Variants in PARN observed in about 807,000 individuals in gnomAD.
PARN encodes poly(A)-specific ribonuclease.
A neutral mutation model predicts 102.8 loss-of-function variants in PARN; 71 were observed. The observed-to-expected ratio is 0.69, with a 90% CI of 0.57 to 0.84. The LOEUF (loss-of-function observed/expected upper bound fraction) is 0.84. PARN is among the 40% of genes least tolerant of loss of function. The pLI is 0.00. For missense variants in PARN, 782 were observed against 760.9 expected, an observed-to-expected ratio of 1.03 and a Z score of -0.33; for synonymous variants, 261 against 252.9, an observed-to-expected ratio of 1.03 and a Z score of -0.30.
At chr16:14,460,575 T>A (rs886384759) in intron 22 of PARN, among the ~76,000 whole-genome samples, 1 of 152,240 alleles carries the variant, frequency 6.6e-6, no homozygotes, top group African/African-American at 2.4e-5. Context: ...TGGATTTTTC[T>A]GTGACCTTTA....
chr16:14,555,545 C>A (rs560497477), intron 19 of PARN, 109 bp downstream of exon 19: 3 of 510,822 alleles, frequency 5.9e-6, no homozygotes, highest in African/African-American at 4.0e-5. Flanking sequence ...AAAATCACAG[C>A]CCAATTTTGA....
At chr16:14,570,101 C>A (rs1417733483) in intron 18 of PARN, among the ~76,000 whole-genome samples, 1 of 151,630 alleles carries the variant, frequency 6.6e-6, no homozygotes, top group Non-Finnish European at 1.5e-5. Flanking sequence ...AGCACTTTGA[C>A]AGGCCAAGGC....
chr16:14,610,082 G>A (rs74397253), intron 7 of PARN, among the ~76,000 whole-genome samples: 1,536 of 152,186 alleles, frequency 0.01, 28 homozygotes, highest in African/African-American at 0.035. Flanking sequence ...AATCCACGCA[G>A]GTCTGACCAC....
At chr16:14,612,547 G>A (rs930532589) in intron 6 of PARN, among the ~76,000 whole-genome samples, 1 of 152,138 alleles carries the variant, frequency 6.6e-6, no homozygotes, top group Non-Finnish European at 1.5e-5. Context: ...AATAGGTATC[G>A]GGGTCCAAGG....
At chr16:14,486,583 A>G (rs1963712916) in intron 21 of PARN, among the ~76,000 whole-genome samples, 1 of 152,216 alleles carries the variant, frequency 6.6e-6, no homozygotes, top group African/African-American at 2.4e-5. Context: ...GATTTATCTG[A>G]GCACATTTGG....
chr16:14,520,667 C>G (rs1410191237), intron 21 of PARN, among the ~76,000 whole-genome samples: 1 of 151,588 alleles, frequency 6.6e-6, no homozygotes, highest in Non-Finnish European at 1.5e-5. Context: ...CCACTGCACT[C>G]CAGACTGGGT....
At chr16:14,610,119 T>G (rs1415593688) in intron 7 of PARN, among the ~76,000 whole-genome samples, 1 of 152,202 alleles carries the variant, frequency 6.6e-6, no homozygotes, top group Non-Finnish European at 1.5e-5. Context: ...CCTAGTGACA[T>G]GTAGCAAGTC....
At chr16:14,455,863 G>A (rs1418906082) in intron 22 of PARN, among the ~76,000 whole-genome samples, 1 of 152,196 alleles carries the variant, frequency 6.6e-6, no homozygotes, top group African/African-American at 2.4e-5. Context: ...CGCTGACTGT[G>A]CTCTTGCCTT....
Position 14,604,195 on chromosome 16 carries a change from T to C in PARN, c.734A>G (p.Asp245Gly), listed in dbSNP as rs1195772798. Residue 245 changes from aspartate to glycine, a missense_variant, in exon 11 of 24, where the codon GAT (aspartate) becomes GGT (glycine). Physicochemically the swap from Asp to Gly is moderately conservative, Grantham distance 94. Transcript: ENST00000437198. The stretch of plus-strand genomic sequence containing the variant: ...CTCTCTTCTTTTGCGTTCTTCTTCA[T>C]CTACTTTGCTGATAACTATATATCG... Reference protein sequence around the residue: ...KERYIVISKVDEEERKRREQQ... With the variant: ...KERYIVISKVGEEERKRREQQ... The C allele has an allele frequency of 2.5e-6, 4 of 1,598,842 alleles. No homozygotes were observed. Among genetic ancestry groups the C allele is most frequent in the East Asian group, 4.5e-5 (2 of 44,740 alleles).
chr16:14,624,764 T>A (rs1346112061), intron 5 of PARN, among the ~76,000 whole-genome samples: 1 of 151,640 alleles, frequency 6.6e-6, no homozygotes, highest in Non-Finnish European at 1.5e-5. Flanking sequence ...ACTAAAAATA[T>A]AAAATTAGCC....
Position 14,593,350 on chromosome 16 carries a change from A to C in PARN, c.869T>G (p.Leu290Arg). 1 of 1,606,408 alleles carries C rather than the reference A, an allele frequency of 6.2e-7. No individual in the cohort carries two copies. Among genetic ancestry groups the C allele is most frequent in the Non-Finnish European group, 8.5e-7 (1 of 1,173,102 alleles). ...SGKLVIGHNM[L>R]LDVMHTVHQF... ...ATGAACTGTGTGCATGACGTCCAAG[A>C]GCATATTGTGTCCAATAACAAGTTT... is the stretch of plus-strand genomic sequence containing the variant. Residue 290 changes from leucine (L) to arginine (R), a missense_variant, in exon 13 of 24, where the codon CTC (leucine) becomes CGC (arginine). By Grantham distance (102) the Leu-to-Arg change is moderately radical. Transcript: ENST00000437198.
rs192954471 is a variant in PARN, at chr16:14,613,035, C to T, written c.389-2226G>A. ...GGTATTAAAATCCATGGGGACGGGG[C>T]GCGGTGGCTCACGCCTGTAATCCCA... On this transcript the variant is annotated intron_variant, in intron 6 of 23. Coordinates refer to ENST00000437198, the MANE Select transcript of PARN (RefSeq NM_002582.4). Among the ~76,000 whole-genome samples the T allele has an allele frequency of 8.3e-3, 1,248 of 151,150 alleles. 20 individuals are homozygous for T. The highest frequency in any genetic ancestry group is 0.028 in the African/African-American group (1,168 of 41,326).
intron 21 of PARN, among the ~76,000 whole-genome samples, chr16:14,524,417 G>T (rs1343430567): frequency 2.0e-5 from 3 of 152,140 alleles, no homozygotes; most frequent in Non-Finnish European, 4.4e-5. Context: ...CCTAGGGGCA[G>T]CTGTTCACTG....
chr16:14,538,539 T>A (rs1966714072), intron 21 of PARN, among the ~76,000 whole-genome samples: 1 of 152,068 alleles, frequency 6.6e-6, no homozygotes, highest in Non-Finnish European at 1.5e-5. Flanking sequence ...ACATTTTCAA[T>A]GAGATTGATG....
At chr16:14,630,080 G>A (rs1481347160) in intron 1 of PARN, 27 bp downstream of exon 1, 2 of 1,550,384 alleles carry the variant, frequency 1.3e-6, no homozygotes, top group Admixed American at 1.9e-5. Flanking sequence ...GTGTGGGGAG[G>A]CGGGGAGGTG....
At chr16:14,543,745 C>T (rs1966855290) in intron 21 of PARN, among the ~76,000 whole-genome samples, 1 of 151,886 alleles carries the variant, frequency 6.6e-6, no homozygotes, top group Admixed American at 6.6e-5. Flanking sequence ...TTCAAATAAT[C>T]CAAAAGAAGG....
chr16:14,617,763 T>C (rs991507913), intron 5 of PARN, 113 bp from the exon 6 acceptor site: 27 of 712,448 alleles, frequency 3.8e-5, no homozygotes, highest in African/African-American at 3.3e-4. Flanking sequence ...AAGGAAGCGA[T>C]GTGCCAGAGG....
intron 21 of PARN, among the ~76,000 whole-genome samples, chr16:14,494,625 G>C (rs1964216718): frequency 6.6e-6 from 1 of 152,256 alleles, no homozygotes; most frequent in East Asian, 1.9e-4. Context: ...TAAGGAGGAA[G>C]CAGGAGAAGG....
intron 21 of PARN, among the ~76,000 whole-genome samples, chr16:14,538,478 C>T (rs1043138489): frequency 6.6e-6 from 1 of 152,114 alleles, no homozygotes; most frequent in African/African-American, 2.4e-5. Context: ...GCCTCAGCCT[C>T]CCAAAGTGCT....
Sources: gnomAD v4.1 joint callset for allele counts (sites outside exome capture counted in the v4.1 genomes callset) on GRCh38, gnomAD v4.1.1 for gene constraint, MANE v1.5 for transcripts, NCBI Gene and HGNC (gene_info 2026-07-23, HGNC 2026-07-21) for gene names.